Variants in CELF2 observed in about 807,000 individuals in gnomAD.
The protein encoded by CELF2 is CUGBP Elav-like family member 2, also known as CUG triplet repeat RNA-binding protein 2.
A neutral mutation model predicts 62.6 loss-of-function variants in CELF2; 8 were observed. That is an observed-to-expected ratio of 0.13 (90% confidence interval 0.07 to 0.23). CELF2 has a LOEUF of 0.23. Among genes scored for constraint, CELF2 ranks in the 10% least tolerant of loss-of-function variants. The pLI is 1.00. For missense variants in CELF2, 333 were observed against 671.0 expected, an observed-to-expected ratio of 0.50 and a Z score of 5.56; for synonymous variants, 258 against 250.0, an observed-to-expected ratio of 1.03 and a Z score of -0.30.
chr10:11,055,534 G>A (rs1197177796), intron 1 of CELF2, among the ~76,000 whole-genome samples: 1 of 152,208 alleles, frequency 6.6e-6, no homozygotes, highest in African/African-American at 2.4e-5. Context: ...TCATCCCTGT[G>A]CCCTCATGCT....
the CELF2 span, among the ~76,000 whole-genome samples, chr10:10,731,075 A>G: frequency 6.6e-6 from 1 of 152,140 alleles, no homozygotes; most frequent in East Asian, 1.9e-4. Context: ...AATAATCTTA[A>G]CCTTCACAAT....
intron 1 of CELF2, among the ~76,000 whole-genome samples, chr10:11,021,834 A>G (rs2058365307): frequency 6.6e-6 from 1 of 152,182 alleles, no homozygotes; most frequent in Admixed American, 6.5e-5. Context: ...CAAAATCAAA[A>G]CTGTGCCATG....
intron 6 of CELF2, 120 bp downstream of exon 6, chr10:11,266,797 A>G (rs1165537360): frequency 1.5e-6 from 1 of 679,548 alleles, no homozygotes; most frequent in African/African-American, 1.9e-5. Flanking sequence ...TCACCATCTC[A>G]GTTTTCATTC....
rs997869535 is a variant in CELF2 at position 11,220,146 on chromosome 10, G to C, written c.354+2639G>C. On this transcript the variant is annotated intron_variant, in intron 3 of 12. Coordinates refer to ENST00000633077, the MANE Select transcript of CELF2 (RefSeq NM_001326342.2). This position sits in a 1 kb window ranked among gnomAD's most constrained non-coding sequence, Gnocchi z 4.4. The stretch of plus-strand genomic sequence containing the variant: ...CTTTTCTGGTTGTAATCATTTTCCT[G>C]TGGATAAAATCCATTAAAAAGTCAC... Among the ~76,000 whole-genome samples, 1 of 152,186 alleles carries C rather than the reference G, an allele frequency of 6.6e-6. No homozygotes were observed. Among genetic ancestry groups the C allele is most frequent in the Admixed American group, 6.5e-5 (1 of 15,286 alleles).
chr10:11,262,940 C>CTTTGTTTTTTTTTTTTTTTTTTTT (rs2081119186), intron 5 of CELF2, among the ~76,000 whole-genome samples: 2 of 52,766 alleles, frequency 3.8e-5, no homozygotes, highest in South Asian at 1.2e-3. Flanking sequence ...AGTGGCTTTA[C>CTTTGTTTTTTTTTTTTTTTTTTTT]TTTTTTTTTT....
the CELF2 span, among the ~76,000 whole-genome samples, chr10:10,680,728 A>G: frequency 6.6e-6 from 1 of 152,222 alleles, no homozygotes; most frequent in African/African-American, 2.4e-5. Flanking sequence ...CCAGGTAAAC[A>G]GTGACACTCA....
At chr10:10,810,300 G>T (rs2055721996) in intron 1 of CELF2, among the ~76,000 whole-genome samples, 1 of 152,150 alleles carries the variant, frequency 6.6e-6, no homozygotes. Context: ...CTGGCAAATG[G>T]AGTAGCCAAC....
At chr10:11,111,251 T>G (rs1053062660) in intron 1 of CELF2, among the ~76,000 whole-genome samples, 2 of 152,210 alleles carry the variant, frequency 1.3e-5, no homozygotes, top group African/African-American at 4.8e-5. Context: ...CTTCTGTGAT[T>G]AAAATAGGCA....
the CELF2 span, among the ~76,000 whole-genome samples, chr10:10,555,248 A>G: frequency 2.0e-5 from 3 of 151,744 alleles, no homozygotes; most frequent in Non-Finnish European, 4.4e-5. Context: ...GTAAAGCTGC[A>G]TTAGCAGAGA....
At chr10:10,742,782 T>G in the CELF2 span, among the ~76,000 whole-genome samples, 9 of 152,096 alleles carry the variant, frequency 5.9e-5, no homozygotes, top group Non-Finnish European at 1.0e-4. Flanking sequence ...TCAGGGCAAT[T>G]TTCTCCAACC....
rs2094445364 is a variant in CELF2 at position 11,309,367 on chromosome 10, T to C, written c.977-4772T>C. ...CAGTGAAGTCTATTCCCCTGCACTG[T>C]GCCTCTGCTGTCACTCCTCAGAGGC... On this transcript the variant is annotated intron_variant, in intron 9 of 12. Coordinates refer to ENST00000633077, the MANE Select transcript of CELF2 (RefSeq NM_001326342.2). This position sits in a 1 kb window ranked among gnomAD's most constrained non-coding sequence, Gnocchi z 5.6. 1.3e-5 allele frequency among the ~76,000 whole-genome samples: 2 copies of C among 152,244 alleles called. No individual in the cohort carries two copies. The highest frequency in any genetic ancestry group is 3.8e-4 in the East Asian group (2 of 5,204).
the CELF2 span, among the ~76,000 whole-genome samples, chr10:10,664,485 A>G: frequency 6.6e-6 from 1 of 152,260 alleles, no homozygotes; most frequent in African/African-American, 2.4e-5. Context: ...TATTACAAAG[A>G]CACCACGTGA....
At chr10:10,992,641 T>A (rs2053556663) in intron 2 of CELF2, among the ~76,000 whole-genome samples, 1 of 152,122 alleles carries the variant, frequency 6.6e-6, no homozygotes, top group Admixed American at 6.5e-5. Flanking sequence ...CAGAAGAGGG[T>A]GTATTAGGGT....
chr10:10,886,113 C>T (rs1183892027), intron 1 of CELF2, among the ~76,000 whole-genome samples: 1 of 151,940 alleles, frequency 6.6e-6, no homozygotes, highest in Non-Finnish European at 1.5e-5. Context: ...ATTTTCTTTC[C>T]TTGCTTCATT....
chr10:11,041,275 C>T (rs989170053), intron 1 of CELF2, among the ~76,000 whole-genome samples: 2 of 152,156 alleles, frequency 1.3e-5, no homozygotes, highest in Non-Finnish European at 2.9e-5. Flanking sequence ...TTAACATACG[C>T]ATTTTAGGGG....
the CELF2 span, among the ~76,000 whole-genome samples, chr10:10,785,510 G>GAT: frequency 0.017 from 2,543 of 152,118 alleles, 38 homozygotes; most frequent in Non-Finnish European, 0.024. Context: ...TTTAAAATGT[G>GAT]ATATATATAT....
At position 11,316,588 on chromosome 10, in the gene CELF2, A is replaced by G. The variant is rs1430160325; in HGVS notation, c.1096+2330A>G. Reference sequence around the variant, plus strand: ...ACAGAGTCAGCTTCTCAAATAGTTGACGGCAGCTTCCATAGCACTGCTATG... The same window carrying G: ...ACAGAGTCAGCTTCTCAAATAGTTGGCGGCAGCTTCCATAGCACTGCTATG... On this transcript the variant is annotated intron_variant, in intron 10 of 12. Transcript: ENST00000633077. The surrounding 1 kb of genome is among the most constrained non-coding windows in gnomAD (Gnocchi z 4.4). Among the ~76,000 whole-genome samples the G allele has an allele frequency of 1.3e-5, 2 of 152,164 alleles. No individual in the cohort carries two copies. Among genetic ancestry groups the G allele is most frequent in the Non-Finnish European group, 2.9e-5 (2 of 68,046 alleles).
rs555442632 is a variant in CELF2, at chr10:11,145,232, G to C, written c.75-20254G>C. Among the ~76,000 whole-genome samples, 1,785 of 152,340 alleles carry C rather than the reference G, an allele frequency of 0.012. 30 individuals are homozygous for C. The highest frequency in any genetic ancestry group is 0.041 in the African/African-American group (1,689 of 41,560). Reference sequence around the variant, plus strand: ...CAGAACAGAACAAATGTAAAACACTGCTGCTGCTCAAGGTTTGTAATTGCT... The same window carrying C: ...CAGAACAGAACAAATGTAAAACACTCCTGCTGCTCAAGGTTTGTAATTGCT... On this transcript the variant is annotated intron_variant, in intron 1 of 12. Coordinates refer to ENST00000633077, the MANE Select transcript of CELF2 (RefSeq NM_001326342.2). This position sits in a 1 kb window ranked among gnomAD's most constrained non-coding sequence, Gnocchi z 4.3.
chr10:10,754,845 C>G, the CELF2 span, among the ~76,000 whole-genome samples: 1 of 152,310 alleles, frequency 6.6e-6, no homozygotes, highest in South Asian at 2.1e-4. Context: ...AGTAATAACT[C>G]CTTCTTATGA....
Sources: gnomAD v4.1 joint callset for allele counts (sites outside exome capture counted in the v4.1 genomes callset) on GRCh38, gnomAD v4.1.1 for gene constraint, Gnocchi (gnomAD v3.1) non-coding constraint, MANE v1.5 for transcripts, NCBI Gene and HGNC (gene_info 2026-07-23, HGNC 2026-07-21) for gene names.